The following CLVS1 variants were observed in gnomAD, a reference collection of about 807,000 sequenced individuals.
The protein encoded by CLVS1 is clavesin 1, also known as clavesin-1.
A neutral mutation model predicts 33.1 loss-of-function variants in CLVS1; 10 were observed. That is an observed-to-expected ratio of 0.30 (90% CI 0.19 to 0.51). The LOEUF (loss-of-function observed/expected upper bound fraction) is 0.51, where lower values mean the gene tolerates loss of function less well. Among genes scored for constraint, CLVS1 ranks in the 20% least tolerant of loss-of-function variants. The pLI is 0.97. For synonymous variants in CLVS1, 163 were observed against 166.1 expected (o/e 0.98, Z 0.14); for missense variants, 343 against 433.4 (o/e 0.79, Z 1.85).
chr8:60,996,493 C>A, the CLVS1 span, among the ~76,000 whole-genome samples: 1 of 152,196 alleles, frequency 6.6e-6, no homozygotes, highest in African/African-American at 2.4e-5. Flanking sequence ...CTACTTGGTT[C>A]CAGATATAAG....
At chr8:61,125,234 C>G (rs1311535028) in intron 1 of CLVS1, among the ~76,000 whole-genome samples, 1 of 152,144 alleles carries the variant, frequency 6.6e-6, no homozygotes, top group East Asian at 1.9e-4. Flanking sequence ...CAGCCTTCCC[C>G]TTTCCTCGCT....
At chr8:61,044,724 C>T in the CLVS1 span, among the ~76,000 whole-genome samples, 5 of 152,290 alleles carry the variant, frequency 3.3e-5, no homozygotes, top group South Asian at 4.1e-4. Flanking sequence ...GTGCAAAATC[C>T]TTCAATCGGT....
chr8:61,137,987 G>A (rs965048481), intron 2 of CLVS1, among the ~76,000 whole-genome samples: 10 of 152,208 alleles, frequency 6.6e-5, no homozygotes, highest in African/African-American at 2.2e-4. Flanking sequence ...ACTTACAAGA[G>A]CCAGGTACTG....
chr8:61,347,625 ATT>A (rs1812266422), intron 2 of CLVS1, among the ~76,000 whole-genome samples: 1 of 94,978 alleles, frequency 1.1e-5, no homozygotes, highest in Non-Finnish European at 2.0e-5. Context: ...TGGCCATTCC[ATT>A]ATATATATAT....
chr8:61,376,803 C>G, intron 3 of CLVS1, 24 bp downstream of exon 3: 1 of 1,580,990 alleles, frequency 6.3e-7, no homozygotes, highest in Non-Finnish European at 8.6e-7. Flanking sequence ...ATGCGCAATA[C>G]AAGACCATGT....
At chr8:61,179,173 A>G (rs148198961) in intron 2 of CLVS1, among the ~76,000 whole-genome samples, 1 of 152,088 alleles carries the variant, frequency 6.6e-6, no homozygotes, top group Non-Finnish European at 1.5e-5. Context: ...AAATGGAAAG[A>G]AAAAAAAGCA....
intron 2 of CLVS1, among the ~76,000 whole-genome samples, chr8:61,345,064 T>C (rs1045416185): frequency 6.6e-6 from 1 of 152,232 alleles, no homozygotes; most frequent in African/African-American, 2.4e-5. Flanking sequence ...GCCTCTTTAG[T>C]GGCAATTTTC....
At chr8:61,331,987 G>A (rs1209584946) in intron 2 of CLVS1, among the ~76,000 whole-genome samples, 3 of 152,294 alleles carry the variant, frequency 2.0e-5, no homozygotes, top group East Asian at 1.9e-4. Context: ...AGTTCTGTCC[G>A]CATGTGAGGG....
chr8:61,029,606 AT>A, the CLVS1 span, among the ~76,000 whole-genome samples: 3 of 150,944 alleles, frequency 2.0e-5, no homozygotes, highest in South Asian at 2.1e-4. Flanking sequence ...TTTTTTATTA[AT>A]TTTTTTATTA....
intron 2 of CLVS1, among the ~76,000 whole-genome samples, chr8:61,328,224 C>A (rs533124789): frequency 1.8e-4 from 28 of 152,274 alleles, no homozygotes; most frequent in Non-Finnish European, 3.5e-4. Flanking sequence ...GCTTTTGCTG[C>A]CTTCTGATCC....
At chr8:61,212,708 C>T (rs1444155643) in intron 2 of CLVS1, among the ~76,000 whole-genome samples, 2 of 152,076 alleles carry the variant, frequency 1.3e-5, no homozygotes, top group Admixed American at 6.5e-5. Context: ...GGCCACAGAG[C>T]GGGTGTGAAT....
At chr8:61,397,540 A>G (rs1308660140) in intron 3 of CLVS1, among the ~76,000 whole-genome samples, 1 of 152,130 alleles carries the variant, frequency 6.6e-6, no homozygotes, top group Non-Finnish European at 1.5e-5. Flanking sequence ...AGTTCAATTT[A>G]TGTATTTTGT....
intron 1 of CLVS1, among the ~76,000 whole-genome samples, chr8:61,114,895 C>T (rs1805690005): frequency 6.6e-6 from 1 of 152,162 alleles, no homozygotes. Context: ...CTTCCAGTGT[C>T]TTCATGTTAG....
chr8:61,390,081 A>T (rs907698592), intron 3 of CLVS1, among the ~76,000 whole-genome samples: 2 of 152,180 alleles, frequency 1.3e-5, no homozygotes, highest in African/African-American at 4.8e-5. Flanking sequence ...CAGCTTGAAA[A>T]GTCCTATTCT....
chr8:61,369,067 T>C (rs1813327711), intron 2 of CLVS1, among the ~76,000 whole-genome samples: 1 of 151,812 alleles, frequency 6.6e-6, no homozygotes, highest in Non-Finnish European at 1.5e-5. Context: ...TCTTCTTCCC[T>C]TCCATCCTTC....
At chr8:61,257,428 A>G (rs1424259071) in intron 2 of CLVS1, among the ~76,000 whole-genome samples, 1 of 152,240 alleles carries the variant, frequency 6.6e-6, no homozygotes, top group Non-Finnish European at 1.5e-5. Context: ...TAAATTATAT[A>G]TGATTCAAGC....
chr8:61,333,814 G>T (rs753515747), intron 2 of CLVS1, among the ~76,000 whole-genome samples: 1 of 151,974 alleles, frequency 6.6e-6, no homozygotes, highest in Non-Finnish European at 1.5e-5. Context: ...ATTAAGCCTA[G>T]TATCCATTTG....
intron 2 of CLVS1, among the ~76,000 whole-genome samples, chr8:61,248,744 A>C (rs2129315637): frequency 6.6e-6 from 1 of 152,202 alleles, no homozygotes; most frequent in South Asian, 2.1e-4. Flanking sequence ...ATCTCCAATC[A>C]CACCTTCATA....
intron 2 of CLVS1, among the ~76,000 whole-genome samples, chr8:61,240,570 T>A (rs1347018722): frequency 6.6e-6 from 1 of 152,348 alleles, no homozygotes; most frequent in African/African-American, 2.4e-5. Flanking sequence ...AAAGGCAAGA[T>A]CTTTGTCTAT....
Sources: gnomAD v4.1 joint callset for allele counts (sites outside exome capture counted in the v4.1 genomes callset) on GRCh38, gnomAD v4.1.1 for gene constraint, MANE v1.5 for transcripts, NCBI Gene and HGNC (gene_info 2026-07-23, HGNC 2026-07-21) for gene names.